The following ATP8A2 variants were observed in gnomAD, a reference collection of about 807,000 sequenced individuals.
The protein encoded by ATP8A2 is phospholipid-transporting ATPase IB.
In ATP8A2, 100 loss-of-function variants were observed where a neutral mutation model predicts 165.6. That is an observed-to-expected ratio of 0.60 (90% confidence interval 0.51 to 0.71). The LOEUF (loss-of-function observed/expected upper bound fraction) is 0.71, where lower values mean the gene tolerates loss of function less well. Among genes scored for constraint, ATP8A2 ranks in the 30% least tolerant of loss-of-function variants. The pLI is 0.00. For synonymous variants in ATP8A2, 543 were observed against 548.8 expected (o/e 0.99, Z 0.15); for missense variants, 1,227 against 1,479.5 (o/e 0.83, Z 2.80).
intron 24 of ATP8A2, among the ~76,000 whole-genome samples, chr13:25,612,242 T>C (rs2040706733): frequency 1.3e-5 from 2 of 152,178 alleles, no homozygotes; most frequent in South Asian, 4.1e-4. Flanking sequence ...CTATTTGTGC[T>C]CTTTCAGACG....
intron 25 of ATP8A2, among the ~76,000 whole-genome samples, chr13:25,725,178 G>A (rs1373156950): frequency 6.6e-6 from 1 of 152,216 alleles, no homozygotes; most frequent in Non-Finnish European, 1.5e-5. Context: ...AGAAAGCACA[G>A]GATCAAAAAG....
intron 30 of ATP8A2, among the ~76,000 whole-genome samples, chr13:25,855,921 T>C (rs1952152152): frequency 6.6e-6 from 1 of 152,254 alleles, no homozygotes; most frequent in Admixed American, 6.5e-5. Flanking sequence ...CTGTTCTTCA[T>C]GCACTTACTG....
chr13:25,675,037 C>T (rs1045903481), intron 24 of ATP8A2, among the ~76,000 whole-genome samples: 5 of 152,262 alleles, frequency 3.3e-5, no homozygotes, highest in Admixed American at 2.0e-4. Flanking sequence ...GAACCAAATG[C>T]GAGTCATCCT....
chr13:25,801,578 C>T (rs1233376474), intron 27 of ATP8A2, among the ~76,000 whole-genome samples: 1 of 152,104 alleles, frequency 6.6e-6, no homozygotes, highest in Non-Finnish European at 1.5e-5. Context: ...TCCTCCTTCT[C>T]CTTCTTCTTC....
chr13:25,606,557 A>T (rs1050872792), intron 24 of ATP8A2, among the ~76,000 whole-genome samples: 9 of 152,350 alleles, frequency 5.9e-5, no homozygotes, highest in Middle Eastern at 6.8e-3. Context: ...ACTTAAATTT[A>T]AATTATAAGC....
chr13:25,799,297 C>CT (rs1350203012), intron 27 of ATP8A2, among the ~76,000 whole-genome samples: 3 of 152,100 alleles, frequency 2.0e-5, no homozygotes, highest in Non-Finnish European at 2.9e-5. Flanking sequence ...TGCTACTTTC[C>CT]TTTTGGGGTA....
intron 24 of ATP8A2, among the ~76,000 whole-genome samples, chr13:25,635,487 A>G (rs2041346988): frequency 6.6e-6 from 1 of 152,118 alleles, no homozygotes; most frequent in Non-Finnish European, 1.5e-5. Context: ...AAATCACAGA[A>G]CCATATTAAC....
chr13:25,877,515 T>C (rs1160619599), intron 33 of ATP8A2, among the ~76,000 whole-genome samples: 1 of 152,218 alleles, frequency 6.6e-6, no homozygotes, highest in Non-Finnish European at 1.5e-5. Flanking sequence ...GTTGTATGTC[T>C]CTTGCCTTCT....
At chr13:25,704,755 T>G (rs9578910) in intron 25 of ATP8A2, among the ~76,000 whole-genome samples, 7,255 of 152,270 alleles carry the variant, frequency 0.048, 211 homozygotes, top group Middle Eastern at 0.099. Flanking sequence ...GTTTATCCTT[T>G]TCAGTATTGC....
chr13:25,808,719 G>A (rs1339715924), intron 27 of ATP8A2, among the ~76,000 whole-genome samples: 11 of 151,962 alleles, frequency 7.2e-5, no homozygotes, highest in Admixed American at 7.2e-4. Flanking sequence ...ACAGGCTTGA[G>A]GTACTGTGCC....
chr13:25,772,036 G>A (rs956604699), intron 26 of ATP8A2, among the ~76,000 whole-genome samples: 5 of 152,142 alleles, frequency 3.3e-5, no homozygotes, highest in Admixed American at 6.5e-5. Context: ...GGAAAGTTAC[G>A]AAGTGGGCAA....
intron 22 of ATP8A2, among the ~76,000 whole-genome samples, chr13:25,580,837 G>A (rs2039755923): frequency 6.6e-6 from 1 of 152,008 alleles, no homozygotes; most frequent in African/African-American, 2.4e-5. Context: ...CACCATGTCT[G>A]GCCCAGTTTC....
intron 6 of ATP8A2, among the ~76,000 whole-genome samples, chr13:25,535,085 G>C (rs998834948): frequency 3.9e-5 from 6 of 152,202 alleles, no homozygotes; most frequent in African/African-American, 1.4e-4. Flanking sequence ...CAGTGGTTCA[G>C]ATCAGGAAAG....
At chr13:25,567,206 T>C in intron 16 of ATP8A2, 1 of 395,950 alleles carries the variant, frequency 2.5e-6, no homozygotes. Context: ...TTTGGGTCCC[T>C]GTGACGTTTT....
intron 24 of ATP8A2, among the ~76,000 whole-genome samples, chr13:25,600,131 A>G (rs1232199943): frequency 6.6e-6 from 1 of 152,244 alleles, no homozygotes; most frequent in East Asian, 1.9e-4. Context: ...TTGGCAAAGT[A>G]CAACCCTCAG....
At chr13:25,598,684 C>T (rs2040301018) in intron 24 of ATP8A2, among the ~76,000 whole-genome samples, 1 of 151,992 alleles carries the variant, frequency 6.6e-6, no homozygotes, top group African/African-American at 2.4e-5. Context: ...TAAATTCCTC[C>T]TCTGCTAATT....
intron 24 of ATP8A2, among the ~76,000 whole-genome samples, chr13:25,603,104 C>G (rs775222663): frequency 6.6e-6 from 1 of 152,022 alleles, no homozygotes; most frequent in African/African-American, 2.4e-5. Flanking sequence ...GGTATCTGTT[C>G]TTCTTTGTGT....
At chr13:25,765,728 C>A (rs2044477074) in intron 25 of ATP8A2, among the ~76,000 whole-genome samples, 1 of 152,146 alleles carries the variant, frequency 6.6e-6, no homozygotes, top group Non-Finnish European at 1.5e-5. Flanking sequence ...CATTGGAATC[C>A]TCACTTGACT....
chr13:25,422,355 A>G (rs1423002222), intron 1 of ATP8A2, among the ~76,000 whole-genome samples: 1 of 152,188 alleles, frequency 6.6e-6, no homozygotes, highest in East Asian at 1.9e-4. Flanking sequence ...TGTCAGGCCA[A>G]ATGTGAGGTT....
Sources: allele counts gnomAD v4.1 joint callset (sites outside exome capture counted in the v4.1 genomes callset), GRCh38; gene constraint gnomAD v4.1.1; transcripts MANE v1.5; gene names NCBI Gene and HGNC (gene_info 2026-07-23, HGNC 2026-07-21).